MLLT10: variants seen among roughly 807,000 people sequenced by gnomAD.
MLLT10 encodes the protein protein AF-10.
MLLT10 carries 30 observed loss-of-function variants against 129.1 expected under a neutral mutation model. The ratio of observed to expected loss-of-function variants is 0.23; its 90% CI spans 0.17 to 0.32. The LOEUF (loss-of-function observed/expected upper bound fraction) is 0.32. MLLT10 is among the 10% of genes least tolerant of loss of function. The pLI is 1.00. For synonymous variants in MLLT10, 490 were observed against 446.4 expected (o/e 1.10, Z -1.23); for missense variants, 1,119 against 1,268.3 (o/e 0.88, Z 1.79).
Position 21,534,315 on chromosome 10 carries a change from C to G in MLLT10, c.-206C>G, listed in dbSNP as rs1462617587. 1.3e-5 allele frequency: 5 copies of G among 391,228 alleles called. No individual in the cohort carries two copies. The highest frequency in any genetic ancestry group is 6.5e-5 in the African/African-American group (3 of 45,972). 24.2% of individuals were successfully genotyped at this position (391,228 alleles called of 1,614,324 possible). ...CCCTGGCCCAGCGGGAGCCCCCCCT[C>G]CCCCCAGTGCGCCTGTGCGGAGGCC... is the stretch of plus-strand genomic sequence containing the variant. On this transcript the variant is annotated 5_prime_UTR_variant, in exon 1 of 23. Transcript: ENST00000307729.
At chr10:21,728,869 T>C (rs934404879) in intron 16 of MLLT10, among the ~76,000 whole-genome samples, 3 of 151,414 alleles carry the variant, frequency 2.0e-5, no homozygotes, top group African/African-American at 7.3e-5. Flanking sequence ...GTCTACAATT[T>C]TTTTTTTTTT....
intron 13 of MLLT10, among the ~76,000 whole-genome samples, chr10:21,682,808 TG>T (rs1480971416): frequency 6.6e-6 from 1 of 152,214 alleles, no homozygotes; most frequent in Non-Finnish European, 1.5e-5. Flanking sequence ...ATACTATCTT[TG>T]TAATGTAATT....
At chr10:21,726,408 T>G (rs1049454018) in intron 15 of MLLT10, 53 bp downstream of exon 15, 103 of 1,264,588 alleles carry the variant, frequency 8.1e-5, no homozygotes, top group Non-Finnish European at 1.1e-4. Context: ...CTACTTTAAT[T>G]TTTTTCCCCT....
At chr10:21,634,812 T>C (rs2047312456) in intron 8 of MLLT10, among the ~76,000 whole-genome samples, 1 of 152,228 alleles carries the variant, frequency 6.6e-6, no homozygotes, top group Non-Finnish European at 1.5e-5. Flanking sequence ...CCTGTTATTA[T>C]TCATCTTAAT....
intron 2 of MLLT10, among the ~76,000 whole-genome samples, chr10:21,538,129 A>T (rs2034407571): frequency 6.7e-6 from 1 of 149,748 alleles, no homozygotes; most frequent in East Asian, 2.0e-4. Context: ...CTGGGACTGT[A>T]GGCACATGCC....
At chr10:21,625,400 A>G (rs1271471560) in intron 8 of MLLT10, 2 of 812,808 alleles carry the variant, frequency 2.5e-6, no homozygotes, top group Admixed American at 1.9e-5. Context: ...CTTTTCCAAT[A>G]TTTCGTCTGT....
intron 9 of MLLT10, among the ~76,000 whole-genome samples, chr10:21,667,292 A>C (rs1337289751): frequency 6.6e-6 from 1 of 151,418 alleles, no homozygotes; most frequent in African/African-American, 2.4e-5. Flanking sequence ...AAGCAATTTG[A>C]TAATGAACTG....
At chr10:21,612,326 C>T (rs2044741026) in intron 5 of MLLT10, 22 bp from the exon 6 acceptor site, 11 of 1,242,398 alleles carry the variant, frequency 8.9e-6, no homozygotes, top group East Asian at 5.1e-5. Flanking sequence ...TGATTTTTGT[C>T]TTTTTTTTTT....
chr10:21,688,419 A>G (rs1212032915), intron 13 of MLLT10: 30 of 1,298,324 alleles, frequency 2.3e-5, no homozygotes, highest in Non-Finnish European at 3.2e-5. Context: ...TCAGTTTTTC[A>G]ACTTGTCTGT....
At chr10:21,570,444 A>G (rs2040080384) in intron 3 of MLLT10, among the ~76,000 whole-genome samples, 1 of 152,094 alleles carries the variant, frequency 6.6e-6, no homozygotes. Flanking sequence ...TATAATTTCC[A>G]TCAAATATGT....
At chr10:21,624,982 C>T in intron 8 of MLLT10, 2 of 1,179,460 alleles carry the variant, frequency 1.7e-6, no homozygotes, top group Non-Finnish European at 2.4e-6. Flanking sequence ...CCTCCCCTTC[C>T]TCCTCTTCCT....
At chr10:21,724,246 T>G (rs565869041) in intron 14 of MLLT10, among the ~76,000 whole-genome samples, 9 of 152,226 alleles carry the variant, frequency 5.9e-5, no homozygotes, top group Non-Finnish European at 1.0e-4. Flanking sequence ...ATACACGCTT[T>G]GAGATAATAG....
chr10:21,610,984 C>CTTTTT (rs71393913), intron 5 of MLLT10, among the ~76,000 whole-genome samples: 1 of 102,888 alleles, frequency 9.7e-6, no homozygotes, highest in Non-Finnish European at 1.9e-5. Context: ...TCTTTTTTCT[C>CTTTTT]TTTTTTTTTT....
chr10:21,741,406 A>T (rs1833595804), intron 22 of MLLT10, among the ~76,000 whole-genome samples: 3 of 149,566 alleles, frequency 2.0e-5, no homozygotes. Context: ...TAGAGTGCTC[A>T]TAATAGAGAA....
At chr10:21,579,186 C>A (rs764234447) in intron 3 of MLLT10, among the ~76,000 whole-genome samples, 1 of 152,104 alleles carries the variant, frequency 6.6e-6, no homozygotes, top group African/African-American at 2.4e-5. Context: ...AGTTTACTTT[C>A]TTTTGGCTTC....
intron 8 of MLLT10, among the ~76,000 whole-genome samples, chr10:21,633,235 G>A (rs1292158496): frequency 6.6e-6 from 1 of 152,142 alleles, no homozygotes; most frequent in East Asian, 1.9e-4. Flanking sequence ...AAATGTCCTG[G>A]CACATATTAA....
intron 3 of MLLT10, among the ~76,000 whole-genome samples, chr10:21,575,918 T>C (rs969242461): frequency 9.9e-5 from 15 of 152,218 alleles, no homozygotes; most frequent in Admixed American, 2.6e-4. Context: ...TTTTTTTTCT[T>C]GTTGTTTGTT....
At chr10:21,553,514 T>G (rs2037415462) in intron 3 of MLLT10, among the ~76,000 whole-genome samples, 1 of 151,238 alleles carries the variant, frequency 6.6e-6, no homozygotes, top group Admixed American at 6.6e-5. Context: ...TTAGTAGAGA[T>G]GGGGGTTTCG....
chr10:21,624,761 G>C, intron 8 of MLLT10: 1 of 1,165,884 alleles, frequency 8.6e-7, no homozygotes, highest in Non-Finnish European at 1.3e-6. Flanking sequence ...TTGGTTGTAA[G>C]CATCTGCCTT....
Sources: gnomAD v4.1 joint callset for allele counts (sites outside exome capture counted in the v4.1 genomes callset) on GRCh38, gnomAD v4.1.1 for gene constraint, MANE v1.5 for transcripts, NCBI Gene and HGNC (gene_info 2026-07-23, HGNC 2026-07-21) for gene names.